Variants in SPTBN1 observed in about 807,000 individuals in gnomAD.
SPTBN1 encodes the protein spectrin beta, non-erythrocytic 1, also known as spectrin beta chain, non-erythrocytic 1.
A neutral mutation model predicts 266.4 loss-of-function variants in SPTBN1; 32 were observed. The observed-to-expected ratio is 0.12, with a 90% CI of 0.09 to 0.16. The LOEUF is 0.16. Ranked by LOEUF, SPTBN1 falls within the 10% of genes least tolerant of loss-of-function variation. SPTBN1 has a pLI of 1.00. For missense variants in SPTBN1, 2,296 were observed against 3,067.1 expected (o/e 0.75, Z 5.94); for synonymous variants, 1,336 against 1,162.2 (o/e 1.15, Z -3.04).
chr2:54,639,123 C>T lies in SPTBN1; in HGVS notation c.3858+1320C>T, dbSNP rs540837017. ...ACAGGAGTGCCTCTTCTAAGTGACA[C>T]GCAAGCATTAGTAACCCATTTGAGT... On this transcript the variant is annotated intron_variant, in intron 18 of 35. Transcript: ENST00000356805. 7.2e-5 allele frequency among the ~76,000 whole-genome samples: 11 copies of T among 152,310 alleles called. No homozygotes were observed. The South Asian group carries it at 2.3e-3, about 32-fold the overall frequency.
chr2:54,493,550 T>TA (rs1668804094), intron 1 of SPTBN1, among the ~76,000 whole-genome samples: 1 of 151,940 alleles, frequency 6.6e-6, no homozygotes. Flanking sequence ...TACAGGTGTG[T>TA]ATCACCACGC....
At chr2:54,519,108 G>A (rs1670277543) in intron 1 of SPTBN1, among the ~76,000 whole-genome samples, 1 of 152,154 alleles carries the variant, frequency 6.6e-6, no homozygotes. Flanking sequence ...GATGGAGATA[G>A]TACCAGAGTG....
intron 1 of SPTBN1, among the ~76,000 whole-genome samples, chr2:54,461,621 G>C (rs929307815): frequency 2.0e-5 from 3 of 152,206 alleles, no homozygotes; most frequent in Admixed American, 2.0e-4. Flanking sequence ...TACCAGGCTT[G>C]AAAATCTTGT....
At position 54,626,497 on chromosome 2, in the gene SPTBN1, A is replaced by G. The variant is rs1477701047; in HGVS notation, c.1644+263A>G. 6.6e-6 allele frequency among the ~76,000 whole-genome samples: 1 copy of G among 152,220 alleles called. No individual in the cohort carries two copies. The highest frequency in any genetic ancestry group is 2.4e-5 in the African/African-American group (1 of 41,446). On this transcript the variant is annotated intron_variant, in intron 12 of 35. Transcript: ENST00000356805. The surrounding 1 kb of genome is among the most constrained non-coding windows in gnomAD (Gnocchi z 4.7). ...TAGATATATTCCAGTGTAGGGAATC[A>G]ATCACATTGTGGTTTTCTTTATTTT... is the stretch of plus-strand genomic sequence containing the variant.
intron 6 of SPTBN1, 106 bp from the exon 7 acceptor site, chr2:54,617,972 C>T: frequency 1.1e-6 from 1 of 870,684 alleles, no homozygotes; most frequent in Non-Finnish European, 1.8e-6. Flanking sequence ...GAGTTTTACT[C>T]CACTAATTGG....
At chr2:54,523,532 C>T (rs1329521016) in intron 1 of SPTBN1, among the ~76,000 whole-genome samples, 1 of 152,118 alleles carries the variant, frequency 6.6e-6, no homozygotes, top group Non-Finnish European at 1.5e-5. Flanking sequence ...CTGGTACCAC[C>T]CAAGAGCCTA....
intron 1 of SPTBN1, among the ~76,000 whole-genome samples, chr2:54,487,401 C>A (rs1359580689): frequency 3.2e-5 from 3 of 92,554 alleles, no homozygotes; most frequent in Non-Finnish European, 5.9e-5. Context: ...ATATGCATGA[C>A]ATACTACTAC....
chr2:54,495,287 G>A (rs986627320), intron 1 of SPTBN1, among the ~76,000 whole-genome samples: 61 of 152,144 alleles, frequency 4.0e-4, no homozygotes, highest in Admixed American at 3.9e-4. Context: ...AAATCAACTC[G>A]GCTTTGCCCA....
chr2:54,547,081 T>C (rs963784162), intron 2 of SPTBN1, among the ~76,000 whole-genome samples: 5 of 152,304 alleles, frequency 3.3e-5, no homozygotes, highest in Admixed American at 2.0e-4. Context: ...CTTTTCATTT[T>C]GAAAAACTGA....
chr2:54,498,080 A>G (rs1410770463), intron 1 of SPTBN1, among the ~76,000 whole-genome samples: 1 of 152,190 alleles, frequency 6.6e-6, no homozygotes, highest in East Asian at 1.9e-4. Flanking sequence ...GAGAGTCCCA[A>G]TCTGAAAAAA....
intron 2 of SPTBN1, among the ~76,000 whole-genome samples, chr2:54,560,264 C>G (rs932465834): frequency 6.6e-5 from 10 of 152,080 alleles, no homozygotes; most frequent in African/African-American, 2.4e-4. Context: ...CGTGCTCCTC[C>G]TCTTCCCCTG....
At chr2:54,650,904 A>G (rs944102538) in intron 26 of SPTBN1, among the ~76,000 whole-genome samples, 1 of 152,158 alleles carries the variant, frequency 6.6e-6, no homozygotes, top group African/African-American at 2.4e-5. Flanking sequence ...TAGCTTTGGT[A>G]TACTTTGGGA....
intron 3 of SPTBN1, among the ~76,000 whole-genome samples, chr2:54,606,408 G>C (rs1373114422): frequency 3.3e-5 from 5 of 152,174 alleles, no homozygotes; most frequent in Non-Finnish European, 7.3e-5. Context: ...CTTTGTTTGT[G>C]ATGGAAACAG....
intron 18 of SPTBN1, among the ~76,000 whole-genome samples, chr2:54,639,383 C>A (rs1387796843): frequency 6.6e-6 from 1 of 152,190 alleles, no homozygotes; most frequent in African/African-American, 2.4e-5. Flanking sequence ...GTAACCTCAG[C>A]CCATATTCCT....
chr2:54,629,081 A>T lies in SPTBN1; in HGVS notation c.1947A>T (p.Glu649Asp). Residue 649 changes from glutamate (E) to aspartate (D), a missense_variant, in exon 14 of 36, where the codon GAA (glutamate) becomes GAT (aspartate). By Grantham distance (45) the Glu-to-Asp change is conservative. Coordinates refer to ENST00000356805, the MANE Select transcript of SPTBN1 (RefSeq NM_003128.3). ...RLWKFFWEMA[E>D]EEGWIREKEK... ...GGAAGTTCTTCTGGGAGATGGCAGA[A>T]GAGGAAGGCTGGATACGGGAGAAGG... The T allele has an allele frequency of 5.6e-6, 9 of 1,613,838 alleles. No individual in the cohort carries two copies. The highest frequency in any genetic ancestry group is 6.8e-6 in the Non-Finnish European group (8 of 1,179,966).
At chr2:54,644,609 A>G in intron 20 of SPTBN1, 23 bp downstream of exon 20, 1 of 1,586,214 alleles carries the variant, frequency 6.3e-7, no homozygotes, top group Middle Eastern at 2.0e-4. Context: ...GCCATCATGG[A>G]CTTGGGTGTA....
Position 54,599,259 on chromosome 2 carries a change from AGG to A in SPTBN1, c.300+17_300+18del. On this transcript the variant is annotated intron_variant, in intron 3 of 35. Coordinates refer to ENST00000356805, the MANE Select transcript of SPTBN1 (RefSeq NM_003128.3). ...AGAGAGGCTGGTGAGTGGAGACCTT[AGG>A]AAGTGCCGTGTGTTGTAGGTGGAAA... 6.2e-7 allele frequency: 1 copy of A among 1,613,160 alleles called. No individual in the cohort carries two copies. Among genetic ancestry groups the A allele is most frequent in the Non-Finnish European group, 8.5e-7 (1 of 1,179,666 alleles).
In SPTBN1 at chr2:54,504,923, CATT is replaced by C. The variant is rs1434386148; in HGVS notation, c.-47-21445_-47-21443del. Reference sequence around the variant, plus strand: ...GAAGCTGTTTTGAGAACTTTTTGCTCATTATTTTCAGTGGGGTTGTGAAATCCA... The same window carrying C: ...GAAGCTGTTTTGAGAACTTTTTGCTCATTTTCAGTGGGGTTGTGAAATCCA... On this transcript the variant is annotated intron_variant, in intron 1 of 35. Coordinates refer to ENST00000356805, the MANE Select transcript of SPTBN1 (RefSeq NM_003128.3). Among the ~76,000 whole-genome samples the C allele has an allele frequency of 2.6e-5, 4 of 152,080 alleles. No homozygotes were observed. In the East Asian group the frequency reaches 5.8e-4, roughly 22 times the overall value.
At chr2:54,519,076 A>G (rs1053238745) in intron 1 of SPTBN1, among the ~76,000 whole-genome samples, 40 of 152,204 alleles carry the variant, frequency 2.6e-4, no homozygotes, top group African/African-American at 8.2e-4. Flanking sequence ...TCAGAGGAGT[A>G]TATGTTTCAG....
Sources: allele counts gnomAD v4.1 joint callset (sites outside exome capture counted in the v4.1 genomes callset), GRCh38; gene constraint gnomAD v4.1.1; non-coding constraint Gnocchi (gnomAD v3.1); transcripts MANE v1.5; gene names NCBI Gene and HGNC (gene_info 2026-07-23, HGNC 2026-07-21).